The following STXBP5L variants were observed in gnomAD, a reference collection of about 807,000 sequenced individuals.
STXBP5L encodes syntaxin-binding protein 5-like.
A neutral mutation model predicts 144.5 loss-of-function variants in STXBP5L; 65 were observed. The observed-to-expected ratio is 0.45, with a 90% CI of 0.37 to 0.55. The LOEUF (loss-of-function observed/expected upper bound fraction) is 0.55, where lower values mean the gene tolerates loss of function less well. STXBP5L is among the 20% of genes least tolerant of loss of function. STXBP5L has a pLI of 0.00. For synonymous variants in STXBP5L, 505 were observed against 469.6 expected, an observed-to-expected ratio of 1.08 and a Z score of -0.97; for missense variants, 1,298 against 1,405.5, an observed-to-expected ratio of 0.92 and a Z score of 1.22.
At chr3:121,175,001 A>G (rs1474585843) in intron 9 of STXBP5L, among the ~76,000 whole-genome samples, 2 of 152,180 alleles carry the variant, frequency 1.3e-5, no homozygotes, top group Admixed American at 6.6e-5. Flanking sequence ...CCAGGCCTGC[A>G]CAACTACTGG....
intron 9 of STXBP5L, among the ~76,000 whole-genome samples, chr3:121,163,798 G>GA (rs1577091017): frequency 6.6e-6 from 1 of 151,570 alleles, no homozygotes; most frequent in South Asian, 2.1e-4. Context: ...AAATGTCACT[G>GA]AGATGGTAAG....
intron 7 of STXBP5L, among the ~76,000 whole-genome samples, chr3:121,132,543 A>G (rs2045042672): frequency 6.6e-6 from 1 of 152,224 alleles, no homozygotes; most frequent in Non-Finnish European, 1.5e-5. Context: ...CTATGAGAAC[A>G]TTTCAGGAAG....
intron 2 of STXBP5L, among the ~76,000 whole-genome samples, chr3:120,915,957 A>T (rs972335101): frequency 6.6e-6 from 1 of 152,182 alleles, no homozygotes; most frequent in African/African-American, 2.4e-5. Context: ...GTATTTTGAC[A>T]TGTTTATTAT....
At chr3:121,365,421 GAT>G (rs1491520975) in intron 20 of STXBP5L, among the ~76,000 whole-genome samples, 1 of 55,312 alleles carries the variant, frequency 1.8e-5, no homozygotes, top group African/African-American at 8.9e-5. Context: ...TTAATCAGAA[GAT>G]TTTTTTTTGT....
chr3:121,078,516 C>G (rs1056835978), intron 5 of STXBP5L, among the ~76,000 whole-genome samples: 4 of 152,268 alleles, frequency 2.6e-5, no homozygotes, highest in African/African-American at 9.6e-5. Flanking sequence ...CCTGCCAGTC[C>G]CGTGCCATGC....
chr3:120,953,656 A>G (rs1937698038), intron 2 of STXBP5L, among the ~76,000 whole-genome samples: 1 of 151,972 alleles, frequency 6.6e-6, no homozygotes, highest in Non-Finnish European at 1.5e-5. Flanking sequence ...AGTTTTTTAC[A>G]TTAATTTTGT....
At chr3:121,209,902 A>G (rs1029119205) in intron 10 of STXBP5L, among the ~76,000 whole-genome samples, 13 of 152,338 alleles carry the variant, frequency 8.5e-5, no homozygotes, top group African/African-American at 3.1e-4. Flanking sequence ...TAACGTGTGC[A>G]TGTGTCTTTA....
chr3:121,184,089 A>G (rs963903337), intron 9 of STXBP5L, among the ~76,000 whole-genome samples: 4 of 152,090 alleles, frequency 2.6e-5, no homozygotes, highest in African/African-American at 9.7e-5. Context: ...AAGGTAGATA[A>G]ATCCATGAAG....
intron 7 of STXBP5L, among the ~76,000 whole-genome samples, chr3:121,123,304 T>C (rs1191454450): frequency 6.6e-6 from 1 of 151,688 alleles, no homozygotes; most frequent in Non-Finnish European, 1.5e-5. Flanking sequence ...TATTCGTTTT[T>C]GGAATTTGTT....
intron 20 of STXBP5L, among the ~76,000 whole-genome samples, chr3:121,377,252 C>T (rs1576318083): frequency 6.6e-6 from 1 of 152,024 alleles, no homozygotes; most frequent in East Asian, 1.9e-4. Flanking sequence ...CTGGCCAGAA[C>T]TTCCATTCAG....
Position 121,005,224 on chromosome 3 carries a change from T to G in STXBP5L, c.288-36476T>G, listed in dbSNP as rs1447023477. On this transcript the variant is annotated intron_variant, in intron 3 of 26. Transcript: ENST00000471454. ...TAGGCTATTAATTATTGCCTCAATT[T>G]CAGAGCCTGTTTTTGGTCTATTCAG... is the stretch of plus-strand genomic sequence containing the variant. 2.4e-4 allele frequency among the ~76,000 whole-genome samples: 37 copies of G among 152,238 alleles called. 1 individual carries two copies. Among genetic ancestry groups the G allele is most frequent in the Admixed American group, 2.1e-3 (32 of 15,270 alleles).
intron 17 of STXBP5L, among the ~76,000 whole-genome samples, chr3:121,258,176 T>C (rs936972849): frequency 6.6e-6 from 1 of 152,206 alleles, no homozygotes; most frequent in Non-Finnish European, 1.5e-5. Context: ...TATTTTATGA[T>C]TTTAGTAATA....
At chr3:121,103,485 A>T (rs1248669341) in intron 5 of STXBP5L, among the ~76,000 whole-genome samples, 1 of 152,158 alleles carries the variant, frequency 6.6e-6, no homozygotes, top group Non-Finnish European at 1.5e-5. Flanking sequence ...GGAGCTAAAC[A>T]TTGGATGTAC....
chr3:121,352,018 G>A (rs956656120), intron 20 of STXBP5L, among the ~76,000 whole-genome samples: 1 of 151,974 alleles, frequency 6.6e-6, no homozygotes, highest in African/African-American at 2.4e-5. Flanking sequence ...ATTTCTGAGG[G>A]CTCTATTCTG....
chr3:121,166,234 G>C (rs1165277597), intron 9 of STXBP5L, among the ~76,000 whole-genome samples: 1 of 151,998 alleles, frequency 6.6e-6, no homozygotes, highest in Non-Finnish European at 1.5e-5. Flanking sequence ...TCAAATTCTT[G>C]GGCTCAAATG....
intron 10 of STXBP5L, 107 bp from the exon 11 acceptor site, chr3:121,222,896 T>C (rs1272057053): frequency 1.3e-5 from 17 of 1,267,036 alleles, no homozygotes; most frequent in Non-Finnish European, 1.8e-5. Flanking sequence ...TTGCTGTCTG[T>C]CATGTTATAT....
At chr3:121,244,691 G>T (rs1043649686) in intron 14 of STXBP5L, among the ~76,000 whole-genome samples, 2 of 152,016 alleles carry the variant, frequency 1.3e-5, no homozygotes, top group Admixed American at 6.6e-5. Flanking sequence ...AAGAAGAAAA[G>T]TTCTTATCAC....
intron 3 of STXBP5L, among the ~76,000 whole-genome samples, chr3:121,034,254 T>C (rs551888672): frequency 6.6e-6 from 1 of 152,110 alleles, no homozygotes; most frequent in Non-Finnish European, 1.5e-5. Flanking sequence ...ATATACCTTA[T>C]ACCCATTAAG....
At chr3:121,030,585 G>A (rs943746672) in intron 3 of STXBP5L, among the ~76,000 whole-genome samples, 4 of 151,988 alleles carry the variant, frequency 2.6e-5, no homozygotes, top group African/African-American at 9.7e-5. Flanking sequence ...TGTAGATGAT[G>A]GGTTGATGGG....
Sources: gnomAD v4.1 joint callset for allele counts (sites outside exome capture counted in the v4.1 genomes callset) on GRCh38, gnomAD v4.1.1 for gene constraint, MANE v1.5 for transcripts, NCBI Gene and HGNC (gene_info 2026-07-23, HGNC 2026-07-21) for gene names.